PHF14: variants seen among roughly 807,000 people sequenced by gnomAD.
PHF14 encodes the protein PHD finger protein 14.
A neutral mutation model predicts 117.9 loss-of-function variants in PHF14; 55 were observed. The observed-to-expected ratio is 0.47, with a 90% CI of 0.38 to 0.58. The LOEUF (loss-of-function observed/expected upper bound fraction) is 0.58. Ranked by LOEUF, PHF14 falls within the 20% of genes least tolerant of loss-of-function variation. PHF14 has a pLI of 0.00. For missense variants in PHF14, 978 were observed against 1,122.2 expected (o/e 0.87, Z 1.84); for synonymous variants, 409 against 368.6 (o/e 1.11, Z -1.26).
chr7:11,049,317 A>C (rs1784775913), intron 13 of PHF14, among the ~76,000 whole-genome samples: 1 of 151,968 alleles, frequency 6.6e-6, no homozygotes, highest in South Asian at 2.1e-4. Flanking sequence ...TCTACTAAAA[A>C]ATCCAAAATT....
chr7:11,005,135 G>C (rs923975010), intron 4 of PHF14, among the ~76,000 whole-genome samples: 1 of 151,716 alleles, frequency 6.6e-6, no homozygotes, highest in Non-Finnish European at 1.5e-5. Context: ...TGATAAATCT[G>C]TGGGGTAATA....
chr7:11,092,775 C>G (rs1475962795), intron 16 of PHF14, among the ~76,000 whole-genome samples: 1 of 152,098 alleles, frequency 6.6e-6, no homozygotes, highest in African/African-American at 2.4e-5. Flanking sequence ...ATCATTGACT[C>G]TTAGGGCTTT....
chr7:11,038,202 A>G (rs1266596082), intron 10 of PHF14, among the ~76,000 whole-genome samples: 1 of 152,110 alleles, frequency 6.6e-6, no homozygotes, highest in Non-Finnish European at 1.5e-5. Flanking sequence ...TCACGAGGTC[A>G]AGAGATCGAG....
At chr7:11,006,639 T>C (rs1783113159) in intron 4 of PHF14, 4 of 617,224 alleles carry the variant, frequency 6.5e-6, no homozygotes, top group Non-Finnish European at 1.2e-5. Context: ...CAGCAGAAAC[T>C]TGATGATGGT....
chr7:11,046,149 C>T (rs1476141031), intron 13 of PHF14, among the ~76,000 whole-genome samples: 4 of 152,006 alleles, frequency 2.6e-5, no homozygotes, highest in Admixed American at 2.6e-4. Context: ...TGCATTTTGT[C>T]TCATTTTTAG....
At position 11,061,795 on chromosome 7, in the gene PHF14, C is replaced by T; in HGVS notation, c.2486C>T (p.Thr829Ile). The change falls in exon 15 of 18, where the codon ACC (threonine) becomes ATC (isoleucine). Residue 829 changes from threonine to isoleucine, a missense_variant. Physicochemically the swap from Thr to Ile is moderately conservative, Grantham distance 89 (BLOSUM62 -1). This residue lies in a region of PHF14 where 180 missense variants were observed against 195.4 expected (regional missense o/e 0.92). Transcript: ENST00000634607. ...PKKIPIRNTR[T>I]RGRKRSFVPE... is the part of the protein sequence containing the mutation. ...TTTTTTTTTGTTTTTTTCCAGAGAA[C>T]CAGAGGACGAAAACGAAGCTTCGTT... 1 of 1,495,774 alleles carries T rather than the reference C, an allele frequency of 6.7e-7. No individual in the cohort carries two copies. The highest frequency in any genetic ancestry group is 8.9e-7 in the Non-Finnish European group (1 of 1,122,862). 92.7% of individuals were successfully genotyped at this position (1,495,774 alleles called of 1,614,324 possible). A position where few individuals can be genotyped will look rare whatever the true frequency, so the allele number is the denominator to read the frequency against.
intron 16 of PHF14, among the ~76,000 whole-genome samples, chr7:11,091,932 C>G (rs1421556455): frequency 6.6e-6 from 1 of 152,126 alleles, no homozygotes; most frequent in Non-Finnish European, 1.5e-5. Flanking sequence ...AAATCATGCT[C>G]TGTAAGAATG....
At chr7:11,066,081 G>A (rs950906228) in intron 16 of PHF14, among the ~76,000 whole-genome samples, 6 of 152,058 alleles carry the variant, frequency 3.9e-5, no homozygotes, top group Non-Finnish European at 5.9e-5. Context: ...TGATTACAAG[G>A]GTAGGGTGTC....
chr7:11,121,106 C>G (rs1019232061), intron 17 of PHF14, among the ~76,000 whole-genome samples: 4 of 152,102 alleles, frequency 2.6e-5, no homozygotes, highest in African/African-American at 9.7e-5. Flanking sequence ...TATGCAGTTT[C>G]TGATAACAAA....
chr7:10,973,954 T>G lies in PHF14; in HGVS notation c.-370T>G, dbSNP rs189623897. The G allele has an allele frequency of 2.2e-3, 443 of 205,920 alleles. 2 individuals carry two copies. Among genetic ancestry groups the G allele is most frequent in the Non-Finnish European group, 2.7e-3 (275 of 100,068 alleles). The allele number at this position is 205,920 out of a possible 1,614,324, so 12.8% of individuals were successfully genotyped here. Reference sequence around the variant, plus strand: ...CCCTCGCGCTGTGCAATTTCTGGTCTTTCGTTGCTTCTGGTCCAGGCTAAT... The same window carrying G: ...CCCTCGCGCTGTGCAATTTCTGGTCGTTCGTTGCTTCTGGTCCAGGCTAAT... On this transcript the variant is annotated 5_prime_UTR_variant, in exon 1 of 18. Transcript: ENST00000634607.
chr7:11,037,346 A>G (rs1784348617), intron 10 of PHF14, among the ~76,000 whole-genome samples: 1 of 152,146 alleles, frequency 6.6e-6, no homozygotes, highest in African/African-American at 2.4e-5. Context: ...GTAGGTTATA[A>G]TCATTGCTTC....
intron 3 of PHF14, among the ~76,000 whole-genome samples, chr7:10,987,432 A>G (rs1263481138): frequency 6.6e-6 from 1 of 152,148 alleles, no homozygotes; most frequent in Non-Finnish European, 1.5e-5. Flanking sequence ...GAATATATAT[A>G]TATAAATGAA....
At chr7:11,109,410 ATTATAT>A (rs1787369868) in intron 16 of PHF14, 1 of 151,846 alleles carries the variant, frequency 6.6e-6, no homozygotes, top group African/African-American at 2.4e-5. Flanking sequence ...ACAAATATAA[ATTATAT>A]TTAATATGTT....
chr7:11,094,979 T>C (rs1786789786), intron 16 of PHF14, among the ~76,000 whole-genome samples: 1 of 152,186 alleles, frequency 6.6e-6, no homozygotes, highest in Non-Finnish European at 1.5e-5. Flanking sequence ...GTTGTTGTTA[T>C]TGTTTTTCCA....
At chr7:10,980,388 A>C (rs1782010213) in intron 2 of PHF14, among the ~76,000 whole-genome samples, 1 of 152,128 alleles carries the variant, frequency 6.6e-6, no homozygotes, top group Non-Finnish European at 1.5e-5. Context: ...GTGTCTTAGA[A>C]GTGTTGAGTC....
intron 16 of PHF14, among the ~76,000 whole-genome samples, chr7:11,087,416 T>C (rs1786456145): frequency 6.6e-6 from 1 of 152,164 alleles, no homozygotes; most frequent in Admixed American, 6.5e-5. Context: ...GGTCTCGAAC[T>C]CCTGACCTTG....
intron 16 of PHF14, chr7:11,063,491 G>T: frequency 1.0e-6 from 1 of 982,444 alleles, no homozygotes; most frequent in Non-Finnish European, 1.2e-6. Context: ...GGTTGAGGGT[G>T]GAGTTGAGGA....
At chr7:11,125,518 T>G (rs1787903921) in intron 17 of PHF14, among the ~76,000 whole-genome samples, 3 of 152,118 alleles carry the variant, frequency 2.0e-5, no homozygotes, top group Non-Finnish European at 4.4e-5. Context: ...CTGACAATTC[T>G]TTTGTTAATT....
intron 6 of PHF14, among the ~76,000 whole-genome samples, chr7:11,027,910 G>T (rs1371182052): frequency 6.6e-6 from 1 of 152,028 alleles, no homozygotes; most frequent in Non-Finnish European, 1.5e-5. Flanking sequence ...TTGGCAAGCA[G>T]ATTTCTTAAC....
Sources: gnomAD v4.1 joint callset for allele counts (sites outside exome capture counted in the v4.1 genomes callset) on GRCh38, gnomAD v4.1.1 for gene constraint, gnomAD v4.1.1 regional missense constraint, MANE v1.5 for transcripts, NCBI Gene and HGNC (gene_info 2026-07-23, HGNC 2026-07-21) for gene names.